NHS: variants seen among roughly 807,000 people sequenced by gnomAD.
The protein encoded by NHS is actin remodeling regulator NHS.
Under a neutral mutation model 72.5 loss-of-function variants are expected in NHS, and 5 were observed. The ratio of observed to expected loss-of-function variants is 0.07; its 90% CI spans 0.04 to 0.14. The LOEUF (loss-of-function observed/expected upper bound fraction) is 0.14. Among genes scored for constraint, NHS ranks in the 10% least tolerant of loss-of-function variants. The pLI, the probability that NHS is intolerant of heterozygous loss-of-function variation, is 1.00. For synonymous variants in NHS, 464 were observed against 547.7 expected, an observed-to-expected ratio of 0.85 and a Z score of 2.13; for missense variants, 1,072 against 1,355.7, an observed-to-expected ratio of 0.79 and a Z score of 3.29.
chrX:17,566,343 C>T (rs185668138), intron 1 of NHS, among the ~76,000 whole-genome samples: 10 of 111,178 alleles, frequency 9.0e-5, no homozygotes, highest in African/African-American at 3.3e-4. Flanking sequence ...CTTAGGAAGC[C>T]CTTTCTCTAT....
At position 17,734,109 on chromosome X, in the gene NHS, C is replaced by A. The variant is rs1020434811; in HGVS notation, c.*1645C>A. On this transcript the variant is annotated 3_prime_UTR_variant, in exon 9 of 9. Coordinates refer to ENST00000676302, the MANE Select transcript of NHS (RefSeq NM_001291867.2). ...AACAGAGAGAGAATTAAGAAGGGAT[C>A]TGACTTATAAAAGACTAGAATGTGA... The A allele has an allele frequency of 8.9e-6, 1 of 111,913 alleles. No individual in the cohort carries two copies. The highest frequency in any genetic ancestry group is 3.8e-4 in the South Asian group (1 of 2,653). 9.2% of individuals were successfully genotyped at this position (111,913 alleles called of 1,213,427 possible).
At chrX:17,618,884 T>C (rs13441001) in intron 1 of NHS, among the ~76,000 whole-genome samples, 4,378 of 112,214 alleles carry the variant, frequency 0.039, 201 homozygotes, top group African/African-American at 0.13. Flanking sequence ...TTAATTGTTG[T>C]CGGGTGGTCT....
intron 1 of NHS, among the ~76,000 whole-genome samples, chrX:17,602,565 A>G (rs1164974051): frequency 9.0e-6 from 1 of 111,473 alleles, no homozygotes; most frequent in Non-Finnish European, 1.9e-5. Context: ...TTTGCTGCAA[A>G]TGGAGAGGAG....
chrX:17,388,076 G>T (rs376559057), intron 1 of NHS, among the ~76,000 whole-genome samples: 80 of 112,284 alleles, frequency 7.1e-4, no homozygotes, highest in Middle Eastern at 4.6e-3. Context: ...GTCTATTAAG[G>T]TTCTTTTGTT....
At chrX:17,630,216 G>A (rs1345783695) in intron 1 of NHS, among the ~76,000 whole-genome samples, 2 of 99,529 alleles carry the variant, frequency 2.0e-5, no homozygotes, top group South Asian at 5.3e-4. Context: ...GGATTGTATC[G>A]CATTCTGAAA....
intron 1 of NHS, among the ~76,000 whole-genome samples, chrX:17,425,547 AAAAAAAAAAAAAAAAAAAAAAAAAG>A (rs2064651310): frequency 1.8e-5 from 1 of 56,540 alleles, no homozygotes; most frequent in African/African-American, 5.1e-5. Context: ...AAAAAAAAAA[AAAAAAAAAAAAAAAAAAAAAAAAAG>A]AAAGAAAGAA....
In NHS at chrX:17,727,175, T is replaced by C; in HGVS notation, c.3069T>C (p.Ser1023=). ...TGGCTGGCTTGGCATCTCCATCAAG[T>C]GGCTATTCAAGCCAGTCTGAAACGC... is the stretch of plus-strand genomic sequence containing the variant. ...EKLAGLASPS[S]GYSSQSETPT... Residue 1023 remains serine, a synonymous_variant, in exon 7 of 9, where the codon AGT becomes AGC. Transcript: ENST00000676302. 8.3e-7 allele frequency: 1 copy of C among 1,210,721 alleles called. No individual in the cohort carries two copies. Among genetic ancestry groups the C allele is most frequent in the Non-Finnish European group, 1.1e-6 (1 of 895,136 alleles).
In NHS at chrX:17,735,591, G is replaced by T. The variant is rs2066519097; in HGVS notation, c.*3127G>T. The T allele has an allele frequency of 8.9e-6, 1 of 112,470 alleles. No homozygotes were observed. Among genetic ancestry groups the T allele is most frequent in the Non-Finnish European group, 1.9e-5 (1 of 53,274 alleles). The allele number at this position is 112,470 out of a possible 1,213,427, so 9.3% of individuals were successfully genotyped here. A position where few individuals can be genotyped will look rare whatever the true frequency, so the allele number is the denominator to read the frequency against. ...TCTTGCCAAAGGTCAGTGAGTGAGT[G>T]CATTTGCTGCAGTGGTGGCACGTAG... On this transcript the variant is annotated 3_prime_UTR_variant, in exon 9 of 9. Transcript: ENST00000676302.
chrX:17,444,565 G>T (rs1326980581), intron 1 of NHS, among the ~76,000 whole-genome samples: 2 of 111,811 alleles, frequency 1.8e-5, no homozygotes, highest in African/African-American at 3.3e-5. Context: ...AGCTCCTTAG[G>T]TGATTCTAAT....
Position 17,386,174 on chromosome X carries a change from A to T in NHS, c.565+9852A>T, listed in dbSNP as rs181668406. ...CTCATGTCATACGGAATCTACCTAT[A>T]ACTGCTTTTCTAGAACATCTTTTAA... On this transcript the variant is annotated intron_variant, in intron 1 of 8. Transcript: ENST00000676302. 2.7e-5 allele frequency among the ~76,000 whole-genome samples: 3 copies of T among 112,062 alleles called. No individual in the cohort carries two copies. The East Asian group carries it at 8.4e-4, about 31-fold the overall frequency.
intron 1 of NHS, among the ~76,000 whole-genome samples, chrX:17,634,858 C>A (rs2065838094): frequency 8.9e-6 from 1 of 111,889 alleles, no homozygotes; most frequent in African/African-American, 3.3e-5. Context: ...GAATAGCGCA[C>A]CCTCACACCA....
intron 1 of NHS, among the ~76,000 whole-genome samples, chrX:17,462,169 A>G (rs1312646596): frequency 9.0e-6 from 1 of 111,636 alleles, no homozygotes; most frequent in Non-Finnish European, 1.9e-5. Flanking sequence ...TAATAGCGAC[A>G]AGGTCAGCCA....
At chrX:17,483,011 C>T (rs1480096788) in intron 1 of NHS, among the ~76,000 whole-genome samples, 3 of 95,815 alleles carry the variant, frequency 3.1e-5, no homozygotes, top group African/African-American at 1.1e-4. Flanking sequence ...GCATCTGCTC[C>T]ACTGCTATCA....
chrX:17,454,248 C>G (rs922457559), intron 1 of NHS, among the ~76,000 whole-genome samples: 1 of 111,515 alleles, frequency 9.0e-6, no homozygotes, highest in Non-Finnish European at 1.9e-5. Flanking sequence ...CACTAGAAAG[C>G]CAAGTAAAGG....
rs577554858 is a variant in NHS at position 17,415,349 on chromosome X, A to C, written c.565+39027A>C. The stretch of plus-strand genomic sequence containing the variant: ...CGAGTCTCAATGGTATCAGATGGCC[A>C]GTTGCAAACATTTACTTCTGACTGA... On this transcript the variant is annotated intron_variant, in intron 1 of 8. Transcript: ENST00000676302. Among the ~76,000 whole-genome samples, 69 of 111,488 alleles carry C rather than the reference A, an allele frequency of 6.2e-4. 2 individuals are homozygous for C. The South Asian group carries it at 0.025, about 41-fold the overall frequency.
intron 2 of NHS, among the ~76,000 whole-genome samples, chrX:17,691,325 A>C (rs1373312635): frequency 1.8e-5 from 2 of 112,174 alleles, no homozygotes; most frequent in African/African-American, 6.5e-5. Flanking sequence ...TGATGGTGGC[A>C]TTGGAGGTGG....
chrX:17,532,218 C>A (rs913889793), intron 1 of NHS, among the ~76,000 whole-genome samples: 4 of 111,933 alleles, frequency 3.6e-5, no homozygotes, highest in African/African-American at 1.3e-4. Flanking sequence ...TAATTGGTAG[C>A]ATGAATTGGC....
chrX:17,714,613 C>G (rs2066354285), intron 3 of NHS, among the ~76,000 whole-genome samples: 1 of 112,324 alleles, frequency 8.9e-6, no homozygotes, highest in South Asian at 3.7e-4. Flanking sequence ...TTTGCTTATG[C>G]CAGGCACGTG....
chrX:17,570,716 A>AG (rs1217208491), intron 1 of NHS, among the ~76,000 whole-genome samples: 26 of 111,589 alleles, frequency 2.3e-4, no homozygotes, highest in African/African-American at 8.2e-4. Flanking sequence ...GTTGAATAGG[A>AG]GCGGTGAGAG....
Sources: gnomAD v4.1 joint callset for allele counts (sites outside exome capture counted in the v4.1 genomes callset) on GRCh38, gnomAD v4.1.1 for gene constraint, MANE v1.5 for transcripts, NCBI Gene and HGNC (gene_info 2026-07-23, HGNC 2026-07-21) for gene names.